The following BTG4 variants were observed in gnomAD, a reference collection of about 807,000 sequenced individuals.
BTG4 encodes the protein protein BTG4.
A neutral mutation model predicts 19.3 loss-of-function variants in BTG4; 10 were observed. The observed-to-expected ratio is 0.52, with a 90% CI of 0.32 to 0.88. The LOEUF (loss-of-function observed/expected upper bound fraction) is 0.88. Among genes scored for constraint, BTG4 ranks in the 40% least tolerant of loss-of-function variants. BTG4 has a pLI of 0.04. For synonymous variants in BTG4, 91 were observed against 95.7 expected, an observed-to-expected ratio of 0.95 and a Z score of 0.29; for missense variants, 238 against 281.9, an observed-to-expected ratio of 0.84 and a Z score of 1.11.
Position 111,498,108 on chromosome 11 carries a change from A to G in BTG4, c.201T>C (p.Asn67=), listed in dbSNP as rs752312409. The G allele has an allele frequency of 4.6e-5, 75 of 1,613,986 alleles. No homozygotes were observed. The South Asian group carries it at 8.2e-4, about 18-fold the overall frequency. The stretch of plus-strand genomic sequence containing the variant: ...ATGCCCTTTCTAGAATGGGATCTTT[A>G]TTCTGATTGTTGTTTATCCTGATGC... ...FRCIRINNNQ[N]KDPILERACV... Residue 67 remains asparagine (N), a synonymous_variant, in exon 3 of 5, where the codon AAT becomes AAC. Coordinates refer to ENST00000692032, the MANE Select transcript of BTG4 (RefSeq NM_001367975.1).
chr11:111,437,226 C>G, the BTG4 span, among the ~76,000 whole-genome samples: 1 of 152,014 alleles, frequency 6.6e-6, no homozygotes, highest in East Asian at 1.9e-4. Context: ...CCACTACACC[C>G]CCTCAGAGCC....
the BTG4 span, chr11:111,414,425 A>G: frequency 6.6e-6 from 1 of 152,074 alleles, no homozygotes; most frequent in African/African-American, 2.4e-5. Flanking sequence ...GAACCCTCCT[A>G]TCAGGGCTCA....
At chr11:111,491,792 CTCA>C (rs1865436794), downstream of BTG4, among the ~76,000 whole-genome samples, 1 of 149,834 alleles carries the variant, frequency 6.7e-6, no homozygotes, top group South Asian at 2.1e-4. Context: ...GTGGTACATA[CTCA>C]TCATAGAAAA....
chr11:111,411,392 GA>G, the BTG4 span, among the ~76,000 whole-genome samples: 7,253 of 152,226 alleles, frequency 0.048, 256 homozygotes, highest in Non-Finnish European at 0.076. Flanking sequence ...CCTCTGCTGG[GA>G]AAAGATTTAC....
the BTG4 span, among the ~76,000 whole-genome samples, chr11:111,394,267 T>C: frequency 2.0e-5 from 3 of 152,230 alleles, no homozygotes; most frequent in Admixed American, 2.0e-4. Context: ...TCCATACTGA[T>C]ATGGTTTGGC....
At chr11:111,420,814 T>C in the BTG4 span, among the ~76,000 whole-genome samples, 1 of 152,220 alleles carries the variant, frequency 6.6e-6, no homozygotes, top group Admixed American at 6.5e-5. Flanking sequence ...CTAACAGGCC[T>C]TACCCTCATG....
the BTG4 span, among the ~76,000 whole-genome samples, chr11:111,420,143 A>G: frequency 2.0e-5 from 3 of 152,220 alleles, no homozygotes; most frequent in East Asian, 1.9e-4. Context: ...TTCACAGTCT[A>G]TCTTCTCAGC....
chr11:111,497,243 G>T lies in BTG4; in HGVS notation c.478C>A (p.Pro160Thr), dbSNP rs749680391. The T allele has an allele frequency of 1.9e-6, 3 of 1,613,224 alleles. No individual in the cohort carries two copies. In the Admixed American group the frequency reaches 5.0e-5, roughly 27 times the overall value. Reference protein sequence around the residue: ...ESCSKEPRVIPKVSNPKSIYQ... With the variant: ...ESCSKEPRVITKVSNPKSIYQ... ...ATACTCTTCGGATTGCTGACTTTAGGAATGACACGAGGTTCCTTGCTACAA... is the reference window on the plus strand; with the variant it reads ...ATACTCTTCGGATTGCTGACTTTAGTAATGACACGAGGTTCCTTGCTACAA... Residue 160 changes from proline to threonine, a missense_variant, in exon 4 of 5, where the codon CCT (proline) becomes ACT (threonine). Pro to Thr is a conservative substitution (Grantham distance 38). Coordinates refer to ENST00000692032, the MANE Select transcript of BTG4 (RefSeq NM_001367975.1).
At chr11:111,385,823 G>A in the BTG4 span, 2 of 152,182 alleles carry the variant, frequency 1.3e-5, no homozygotes, top group Non-Finnish European at 2.9e-5. Flanking sequence ...CAAAAATCTA[G>A]AGTGATGTTA....
the BTG4 span, chr11:111,457,804 G>C: frequency 2.0e-5 from 3 of 151,526 alleles, no homozygotes; most frequent in African/African-American, 7.3e-5. Flanking sequence ...ATCCCTGCTG[G>C]TTCCCTCTCC....
At chr11:111,427,198 T>C in the BTG4 span, among the ~76,000 whole-genome samples, 8 of 152,346 alleles carry the variant, frequency 5.3e-5, no homozygotes, top group Admixed American at 2.0e-4. Flanking sequence ...ATCAGTTCTC[T>C]ACCCATCTCA....
At chr11:111,434,050 G>T in the BTG4 span, among the ~76,000 whole-genome samples, 1 of 152,194 alleles carries the variant, frequency 6.6e-6, no homozygotes, top group Admixed American at 6.5e-5. Flanking sequence ...CCATTACTGG[G>T]TATATACCCA....
chr11:111,514,666 C>G, upstream of BTG4: 2 of 768,224 alleles, frequency 2.6e-6, no homozygotes, highest in South Asian at 3.5e-5. Flanking sequence ...CCAACACCTA[C>G]CTAGGAAACC....
intron 5 of BTG4, among the ~76,000 whole-genome samples, chr11:111,488,526 A>G (rs1331531244): frequency 6.6e-6 from 1 of 152,190 alleles, no homozygotes; most frequent in Non-Finnish European, 1.5e-5. Flanking sequence ...CATGTTCTAG[A>G]ACATTGGTCT....
chr11:111,424,624 G>A, the BTG4 span, among the ~76,000 whole-genome samples: 1 of 152,210 alleles, frequency 6.6e-6, no homozygotes, highest in Non-Finnish European at 1.5e-5. Context: ...CAAGCCTGCA[G>A]ATAAAAGATT....
the BTG4 span, among the ~76,000 whole-genome samples, chr11:111,458,445 C>A: frequency 5.9e-5 from 9 of 152,160 alleles, no homozygotes; most frequent in African/African-American, 2.2e-4. Flanking sequence ...CTTGCCAATG[C>A]CATTGAGTTA....
At chr11:111,497,093 TA>T in intron 4 of BTG4, 117 bp downstream of exon 4, 1 of 1,045,508 alleles carries the variant, frequency 9.6e-7, no homozygotes, top group South Asian at 1.6e-5. Context: ...GTCTGGCTTT[TA>T]AAAATCTACA....
chr11:111,404,030 C>A, the BTG4 span, among the ~76,000 whole-genome samples: 1 of 152,142 alleles, frequency 6.6e-6, no homozygotes, highest in Non-Finnish European at 1.5e-5. Context: ...ATTCCCATGT[C>A]TTGTGGGAGG....
chr11:111,497,045 G>A, intron 4 of BTG4, 166 bp downstream of exon 4: 1 of 585,714 alleles, frequency 1.7e-6, no homozygotes, highest in South Asian at 2.5e-5. Flanking sequence ...ACATTGTGCA[G>A]TGAAGGAGAC....
Sources: allele counts gnomAD v4.1 joint callset (sites outside exome capture counted in the v4.1 genomes callset), GRCh38; gene constraint gnomAD v4.1.1; transcripts MANE v1.5; gene names NCBI Gene and HGNC (gene_info 2026-07-23, HGNC 2026-07-21).